LINGO2: variants seen among roughly 807,000 people sequenced by gnomAD.
LINGO2 encodes the protein leucine rich repeat and Ig domain containing 2.
A neutral mutation model predicts 30.6 loss-of-function variants in LINGO2; 14 were observed. That is an observed-to-expected ratio of 0.46 (90% CI 0.30 to 0.72). The LOEUF (loss-of-function observed/expected upper bound fraction) is 0.72. Ranked by LOEUF, LINGO2 falls within the 30% of genes least tolerant of loss-of-function variation. The probability of loss-of-function intolerance (pLI) is 0.07; values close to 1 mark genes in which losing one functional copy is unlikely to be tolerated. For missense variants in LINGO2, 729 were observed against 751.7 expected (o/e 0.97, Z 0.35); for synonymous variants, 317 against 288.5 (o/e 1.10, Z -1.00).
chr9:29,012,858 C>T, the LINGO2 span, among the ~76,000 whole-genome samples: 1 of 152,094 alleles, frequency 6.6e-6, no homozygotes, highest in Admixed American at 6.6e-5. Flanking sequence ...CATTAGTAGA[C>T]TTTGATCCAC....
chr9:29,066,148 A>T, the LINGO2 span, among the ~76,000 whole-genome samples: 16 of 151,916 alleles, frequency 1.1e-4, no homozygotes, highest in African/African-American at 1.4e-4. Flanking sequence ...ATTAATATTT[A>T]TTAGCCATTG....
intron 3 of LINGO2, among the ~76,000 whole-genome samples, chr9:28,350,151 A>C (rs1327545822): frequency 6.7e-6 from 1 of 148,324 alleles, no homozygotes; most frequent in African/African-American, 2.5e-5. Context: ...ACATAACAAT[A>C]TTAACTTTAA....
At chr9:29,121,589 A>G in the LINGO2 span, among the ~76,000 whole-genome samples, 1 of 152,126 alleles carries the variant, frequency 6.6e-6, no homozygotes, top group African/African-American at 2.4e-5. Context: ...GCTTAAAAAT[A>G]TTAGAGAAAA....
At chr9:27,989,376 C>T (rs911881629) in intron 5 of LINGO2, among the ~76,000 whole-genome samples, 3 of 151,834 alleles carry the variant, frequency 2.0e-5, no homozygotes, top group Admixed American at 1.3e-4. Context: ...CTACCTATTG[C>T]TTCATCTTCA....
At chr9:28,416,447 G>A (rs1262840381) in intron 2 of LINGO2, among the ~76,000 whole-genome samples, 1 of 152,118 alleles carries the variant, frequency 6.6e-6, no homozygotes, top group African/African-American at 2.4e-5. Flanking sequence ...ACTAAAGTGT[G>A]TCATCACCTC....
intron 4 of LINGO2, among the ~76,000 whole-genome samples, chr9:28,053,767 A>G (rs1301393109): frequency 1.3e-5 from 2 of 152,102 alleles, no homozygotes; most frequent in Non-Finnish European, 2.9e-5. Context: ...AAGAACGTAA[A>G]TAGAGGCAGG....
At chr9:28,183,718 G>A (rs1372662625) in intron 4 of LINGO2, among the ~76,000 whole-genome samples, 2 of 152,114 alleles carry the variant, frequency 1.3e-5, no homozygotes, top group South Asian at 2.1e-4. Flanking sequence ...ACATGTAAGT[G>A]TCTCTGAAAG....
At chr9:29,190,432 C>T in the LINGO2 span, among the ~76,000 whole-genome samples, 3 of 152,042 alleles carry the variant, frequency 2.0e-5, no homozygotes. Context: ...AAAACATATC[C>T]TTATGGTTCA....
At chr9:29,001,570 G>T in the LINGO2 span, among the ~76,000 whole-genome samples, 1 of 152,084 alleles carries the variant, frequency 6.6e-6, no homozygotes, top group African/African-American at 2.4e-5. Flanking sequence ...ATTTGGCCAA[G>T]CAAGAGCAAA....
At chr9:28,325,363 C>T (rs1355194075) in intron 3 of LINGO2, among the ~76,000 whole-genome samples, 1 of 151,928 alleles carries the variant, frequency 6.6e-6, no homozygotes, top group Non-Finnish European at 1.5e-5. Context: ...AAGATAGAAC[C>T]CCTATCTCCT....
intron 4 of LINGO2, among the ~76,000 whole-genome samples, chr9:28,100,287 T>A (rs1206922031): frequency 6.6e-6 from 1 of 152,088 alleles, no homozygotes; most frequent in Non-Finnish European, 1.5e-5. Context: ...GCAACAAAAA[T>A]CTCTTACAAT....
the LINGO2 span, among the ~76,000 whole-genome samples, chr9:28,808,915 G>C: frequency 1.3e-5 from 2 of 152,110 alleles, no homozygotes; most frequent in African/African-American, 4.8e-5. Flanking sequence ...AGAAAAACTA[G>C]GACTAACGCC....
chr9:28,062,729 T>C (rs1356312443), intron 4 of LINGO2, among the ~76,000 whole-genome samples: 3 of 150,068 alleles, frequency 2.0e-5, no homozygotes, highest in Admixed American at 1.3e-4. Context: ...CTTTTTTGAA[T>C]AACAGCTTTA....
At chr9:28,467,038 G>A (rs937225884) in intron 2 of LINGO2, among the ~76,000 whole-genome samples, 49 of 149,604 alleles carry the variant, frequency 3.3e-4, no homozygotes, top group African/African-American at 1.1e-3. Context: ...TTTTTTTTGG[G>A]GGGGGGGGAC....
the LINGO2 span, among the ~76,000 whole-genome samples, chr9:28,788,067 G>A: frequency 2.6e-5 from 4 of 152,068 alleles, no homozygotes; most frequent in African/African-American, 9.7e-5. Flanking sequence ...CTGGGCAATT[G>A]AACAGGACTG....
At chr9:28,149,583 T>A (rs1299749983) in intron 4 of LINGO2, among the ~76,000 whole-genome samples, 1 of 133,466 alleles carries the variant, frequency 7.5e-6, no homozygotes, top group East Asian at 2.3e-4. Flanking sequence ...GCCTGTGGAG[T>A]CCGCCGCCCT....
At chr9:28,445,867 A>G (rs894725261) in intron 2 of LINGO2, among the ~76,000 whole-genome samples, 1 of 152,170 alleles carries the variant, frequency 6.6e-6, no homozygotes, top group South Asian at 2.1e-4. Context: ...GGAAAAAAAC[A>G]TGATTATGGG....
rs187433085 is a variant in LINGO2 at position 28,153,821 on chromosome 9, T to G, written c.-87+141387A>C. Among the ~76,000 whole-genome samples, 59 of 152,236 alleles carry G rather than the reference T, an allele frequency of 3.9e-4. No individual in the cohort carries two copies. The Middle Eastern group carries it at 0.01, about 26-fold the overall frequency. On this transcript the variant is annotated intron_variant, in intron 4 of 5. Coordinates refer to ENST00000379992, the Ensembl canonical transcript of LINGO2. ...AAATTAATAATTAAACAGTAAGATA[T>G]TACAGTACAGATGGGGGGGATACTA... is the stretch of plus-strand genomic sequence containing the variant.
chr9:28,469,911 G>C (rs991850490), intron 2 of LINGO2, among the ~76,000 whole-genome samples: 1 of 152,128 alleles, frequency 6.6e-6, no homozygotes, highest in African/African-American at 2.4e-5. Context: ...AATGAACACA[G>C]GGACAAACAG....
Sources: gnomAD v4.1 joint callset for allele counts (sites outside exome capture counted in the v4.1 genomes callset) on GRCh38, gnomAD v4.1.1 for gene constraint, MANE v1.5 for transcripts, NCBI Gene and HGNC (gene_info 2026-07-23, HGNC 2026-07-21) for gene names.